Variants in ISM2 observed in about 807,000 individuals in gnomAD.
ISM2 encodes isthmin 2.
In ISM2, 50 loss-of-function variants were observed where a neutral mutation model predicts 58.0. The observed-to-expected ratio is 0.86, with a 90% CI of 0.69 to 1.09. ISM2 has a LOEUF of 1.09. Ranked by LOEUF, ISM2 falls within the 50% of genes least tolerant of loss-of-function variation. The pLI is 0.00. For synonymous variants in ISM2, 303 were observed against 312.4 expected, an observed-to-expected ratio of 0.97 and a Z score of 0.32; for missense variants, 723 against 745.0, an observed-to-expected ratio of 0.97 and a Z score of 0.34.
chr14:77,487,685 G>C (rs2079176799), intron 1 of ISM2, among the ~76,000 whole-genome samples: 1 of 152,148 alleles, frequency 6.6e-6, no homozygotes, highest in African/African-American at 2.4e-5. Flanking sequence ...TCTTAGTTTG[G>C]GTTCTCTTGA....
At position 77,484,783 on chromosome 14, in the gene ISM2, T is replaced by C; in HGVS notation, c.278A>G (p.Asn93Ser). Residue 93 changes from asparagine (N) to serine (S), a missense_variant, in exon 2 of 7, where the codon AAC (asparagine) becomes AGC (serine). Coordinates refer to ENST00000342219, the MANE Select transcript of ISM2 (RefSeq NM_199296.3). Reference sequence around the variant, plus strand: ...CTCTGGGGTCCTGGGAGGGGTGGCGTTGCCTGGGGTCATGGCTGCTGGCTC... The same window carrying C: ...CTCTGGGGTCCTGGGAGGGGTGGCGCTGCCTGGGGTCATGGCTGCTGGCTC... The part of the protein sequence containing the change: ...VTEPAAMTPG[N>S]ATPPRTPEVT... The C allele has an allele frequency of 6.2e-7, 1 of 1,610,604 alleles. No homozygotes were observed. Among genetic ancestry groups the C allele is most frequent in the Non-Finnish European group, 8.5e-7 (1 of 1,179,214 alleles).
At chr14:77,480,356 A>T (rs539575744) in intron 4 of ISM2, among the ~76,000 whole-genome samples, 2 of 151,408 alleles carry the variant, frequency 1.3e-5, no homozygotes, top group East Asian at 3.9e-4. Context: ...CCCACTTCTG[A>T]TCTGAGGGAG....
At position 77,482,420 on chromosome 14, in the gene ISM2, T is replaced by A. The variant is rs1284504056; in HGVS notation, c.875A>T (p.Glu292Val). 1 of 1,614,088 alleles carries A rather than the reference T, an allele frequency of 6.2e-7. No homozygotes were observed. Among genetic ancestry groups the A allele is most frequent in the East Asian group, 2.2e-5 (1 of 44,896 alleles). ...ATTGAACCAGAGCGCCTGCTCTTCC[T>A]CATCTTCCTCTTTGTCCTCTTGATC... ...GEDQEDKEED[E>V]EEQALWFNGT... The change falls in exon 4 of 7, where the codon GAG (glutamate) becomes GTG (valine). Residue 292 changes from glutamate (E) to valine (V), a missense_variant. Glu to Val is a moderately radical substitution (Grantham distance 121). Transcript: ENST00000342219.
chr14:77,482,832 G>A (rs937744206), intron 3 of ISM2, 165 bp from the exon 4 acceptor site: 18 of 547,098 alleles, frequency 3.3e-5, no homozygotes, highest in African/African-American at 3.0e-4. Flanking sequence ...TGGCCTCTTA[G>A]GGCACAAGAA....
At position 77,498,662 on chromosome 14, in the gene ISM2, C is replaced by T; in HGVS notation, c.132G>A (p.Arg44=). 6.8e-7 allele frequency: 1 copy of T among 1,471,308 alleles called. No homozygotes were observed. The highest frequency in any genetic ancestry group is 8.9e-7 in the Non-Finnish European group (1 of 1,118,322). The allele number at this position is 1,471,308 out of a possible 1,614,324, so 91.1% of individuals were successfully genotyped here. A position where few individuals can be genotyped will look rare whatever the true frequency, so the allele number is the denominator to read the frequency against. ...TGCCGCCGCCACTCACCTCTGCGAG[C>T]CTCGTGAGGCTCCCAGGCCGTGGTC... ...LRGPRPGSLT[R]LAEVSASPDP... Residue 44 remains arginine (R), a synonymous_variant, in exon 1 of 7, where the codon AGG becomes AGA. Coordinates refer to ENST00000342219, the MANE Select transcript of ISM2 (RefSeq NM_199296.3).
chr14:77,484,752 A>G lies in ISM2; in HGVS notation c.309T>C (p.Thr103=), dbSNP rs769956665. 2 of 1,611,624 alleles carry G rather than the reference A, an allele frequency of 1.2e-6. No homozygotes were observed. Among genetic ancestry groups the G allele is most frequent in the East Asian group, 2.2e-5 (1 of 44,748 alleles). The change falls in exon 2 of 7, where the codon ACT becomes ACC. Residue 103 remains threonine (T), a synonymous_variant. Transcript: ENST00000342219. Reference sequence around the variant, plus strand: ...GCTTCTGCAGCTCCAGCCGCAACGGAGTAACCTCTGGGGTCCTGGGAGGGG... The same window carrying G: ...GCTTCTGCAGCTCCAGCCGCAACGGGGTAACCTCTGGGGTCCTGGGAGGGG... ...NATPPRTPEV[T]PLRLELQKLP...
Position 77,476,031 on chromosome 14 carries a change from G to C in ISM2, c.1280C>G (p.Pro427Arg). Residue 427 changes from proline (P) to arginine (R), a missense_variant, in exon 7 of 7, where the codon CCC (proline) becomes CGC (arginine). Transcript: ENST00000342219. The part of the protein sequence containing the change: ...KYLSQMLRDL[P>R]SCPCAYPLEA... ...CAGTGGGTAGGCACACGGGCAGCTG[G>C]GCAGGTCCCGCAGCATCTGGCTCAG... The C allele has an allele frequency of 1.3e-6, 2 of 1,569,728 alleles. No individual in the cohort carries two copies. The highest frequency in any genetic ancestry group is 1.1e-5 in the South Asian group (1 of 87,326).
intron 1 of ISM2, among the ~76,000 whole-genome samples, chr14:77,492,516 CTTTTT>C (rs11345814): frequency 1.1e-5 from 1 of 93,472 alleles, no homozygotes; most frequent in Non-Finnish European, 2.2e-5. Flanking sequence ...TGGCCCCAGC[CTTTTT>C]TTTTTTTTTT....
At chr14:77,490,228 A>AT in intron 1 of ISM2, among the ~76,000 whole-genome samples, 1 of 151,936 alleles carries the variant, frequency 6.6e-6, no homozygotes. Flanking sequence ...CAATCTCTTG[A>AT]CTTCGTGATC....
intron 4 of ISM2, among the ~76,000 whole-genome samples, chr14:77,478,979 A>G (rs2139955756): frequency 6.6e-6 from 1 of 152,352 alleles, no homozygotes; most frequent in South Asian, 2.1e-4. Flanking sequence ...AACACAGTAT[A>G]AAGAGGAAAT....
chr14:77,477,359 T>C (rs1594945701), intron 6 of ISM2, among the ~76,000 whole-genome samples: 1 of 152,080 alleles, frequency 6.6e-6, no homozygotes, highest in Non-Finnish European at 1.5e-5. Context: ...CTGACTTTGA[T>C]AGTTTGAGGC....
chr14:77,486,645 G>A (rs2079169528), intron 1 of ISM2, among the ~76,000 whole-genome samples: 1 of 152,158 alleles, frequency 6.6e-6, no homozygotes, highest in Non-Finnish European at 1.5e-5. Flanking sequence ...CAGTCTCTGG[G>A]GCATAGAGAC....
At chr14:77,485,441 G>A (rs977688941) in intron 1 of ISM2, among the ~76,000 whole-genome samples, 14 of 152,234 alleles carry the variant, frequency 9.2e-5, no homozygotes, top group African/African-American at 2.2e-4. Context: ...GTGTTCCTCC[G>A]CCTGCCTGCC....
At chr14:77,483,954 G>C (rs2079149471) in intron 3 of ISM2, 1 of 180,830 alleles carries the variant, frequency 5.5e-6, no homozygotes, top group African/African-American at 2.4e-5. Context: ...TTCTTTAGGG[G>C]ATCAGACCTG....
chr14:77,480,378 T>C (rs2079124140), intron 4 of ISM2, among the ~76,000 whole-genome samples: 1 of 151,628 alleles, frequency 6.6e-6, no homozygotes, highest in Non-Finnish European at 1.5e-5. Context: ...TGAAATACAC[T>C]GTGGCTGGGC....
intron 4 of ISM2, among the ~76,000 whole-genome samples, chr14:77,479,152 G>A (rs1444984337): frequency 6.6e-6 from 1 of 150,826 alleles, no homozygotes; most frequent in African/African-American, 2.5e-5. Context: ...CTGCAGCCTT[G>A]ACTTCCTGGG....
chr14:77,484,185 TG>T, intron 3 of ISM2, 137 bp downstream of exon 3: 1 of 1,108,886 alleles, frequency 9.0e-7, no homozygotes, highest in South Asian at 1.5e-5. Context: ...AGGGAGAGCA[TG>T]GGGAGCCTGC....
At chr14:77,487,552 G>A (rs1378709729) in intron 1 of ISM2, among the ~76,000 whole-genome samples, 1 of 152,210 alleles carries the variant, frequency 6.6e-6, no homozygotes, top group Non-Finnish European at 1.5e-5. Context: ...GAGAGGTTCT[G>A]GCCAAGTGTC....
intron 1 of ISM2, among the ~76,000 whole-genome samples, chr14:77,492,703 T>C (rs972419428): frequency 3.3e-5 from 5 of 152,064 alleles, no homozygotes; most frequent in African/African-American, 1.2e-4. Context: ...ATTTAATTAA[T>C]TTATTTATTT....
Sources: gnomAD v4.1 joint callset for allele counts (sites outside exome capture counted in the v4.1 genomes callset) on GRCh38, gnomAD v4.1.1 for gene constraint, MANE v1.5 for transcripts, NCBI Gene and HGNC (gene_info 2026-07-23, HGNC 2026-07-21) for gene names.